The following PGAM4 variants were observed in gnomAD, a reference collection of about 807,000 sequenced individuals.
PGAM4 encodes the protein phosphoglycerate mutase family member 4, also known as phosphoglycerate mutase 4.
In PGAM4, 7 loss-of-function variants were observed where a neutral mutation model predicts 10.8. The observed-to-expected ratio is 0.65, with a 90% CI of 0.37 to 1.21. The LOEUF (loss-of-function observed/expected upper bound fraction) is 1.21. Ranked by LOEUF, PGAM4 falls within the 50% of genes most tolerant of loss-of-function variation. PGAM4 has a pLI of 0.02. For missense variants in PGAM4, 146 were observed against 214.1 expected (o/e 0.68, Z 1.98); for synonymous variants, 55 against 90.3 (o/e 0.61, Z 2.22).
chrX:77,968,812 G>A lies in PGAM4; in HGVS notation c.*62C>T. ...TCAGTGTGACATGTGCAGGTGGGAGGGGCAGAGGGACAAGACCAGCAGGGA... is the reference window on the plus strand; with the variant it reads ...TCAGTGTGACATGTGCAGGTGGGAGAGGCAGAGGGACAAGACCAGCAGGGA... On this transcript the variant is annotated 3_prime_UTR_variant, in exon 1 of 1. Coordinates refer to ENST00000458128, the MANE Select transcript of PGAM4 (RefSeq NM_001029891.3). 8.4e-7 allele frequency: 1 copy of A among 1,197,016 alleles called. No individual in the cohort carries two copies. The highest frequency in any genetic ancestry group is 1.1e-6 in the Non-Finnish European group (1 of 885,164).
chrX:77,969,317 C>T lies in PGAM4; in HGVS notation c.322G>A (p.Gly108Ser). The T allele has an allele frequency of 1.7e-6, 2 of 1,211,753 alleles. No individual in the cohort carries two copies. The highest frequency in any genetic ancestry group is 1.1e-6 in the Non-Finnish European group (1 of 895,489). ...CTCCAGATCTTCACCTGGGCCTCACCATGCTTTGCAGCAGTTTCTGCTTTA... is the reference window on the plus strand; with the variant it reads ...CTCCAGATCTTCACCTGGGCCTCACTATGCTTTGCAGCAGTTTCTGCTTTA... ...LNKAETAAKH[G>S]EAQVKIWRRS... The change falls in exon 1 of 1, where the codon GGT (glycine) becomes AGT (serine). Residue 108 changes from glycine (G) to serine (S), a missense_variant. Coordinates refer to ENST00000458128, the MANE Select transcript of PGAM4 (RefSeq NM_001029891.3).
chrX:77,969,264 C>T lies in PGAM4; in HGVS notation c.375G>A (p.Pro125=). Residue 125 remains proline, a synonymous_variant, in exon 1 of 1, where the codon CCG becomes CCA. Transcript: ENST00000458128. The part of the protein sequence containing the change: ...WRRSYDVPPP[P]MEPDHPFYSN... ...TGTAGAAAGGATGGTCGGGCTCCATCGGAGGTGGTGGGACATCATAGGAGC... is the reference window on the plus strand; with the variant it reads ...TGTAGAAAGGATGGTCGGGCTCCATTGGAGGTGGTGGGACATCATAGGAGC... 20 of 1,211,925 alleles carry T rather than the reference C, an allele frequency of 1.7e-5. No homozygotes were observed. The highest frequency in any genetic ancestry group is 2.1e-5 in the Non-Finnish European group (19 of 895,525).
Position 77,968,909 on chromosome X carries a change from C to A in PGAM4, c.730G>T (p.Glu244Ter), listed in dbSNP as rs1244662202. ...GCCTTGCCCTGGGCAGCCACAGCTT[C>A]TATGGCTTTGCACACCGTCTCTTCA... ...GDEETVCKAI[E>*]AVAAQGKAKK The change falls in exon 1 of 1, where the codon GAA becomes TAA. Residue 244 changes from glutamate (E) to a stop codon, truncating the protein, a stop_gained. Coordinates refer to ENST00000458128, the MANE Select transcript of PGAM4 (RefSeq NM_001029891.3). LOFTEE classifies it high-confidence loss of function. 5.0e-6 allele frequency: 6 copies of A among 1,208,948 alleles called. No individual in the cohort carries two copies. Among genetic ancestry groups the A allele is most frequent in the Non-Finnish European group, 6.7e-6 (6 of 895,348 alleles).
chrX:77,968,340 C>T lies in PGAM4; in HGVS notation c.*534G>A, dbSNP rs1304933235. ...TAATAAAAGTAAATATAACACATAA[C>T]GAAATTCAGGATTGATCCCAACCTA... is the stretch of plus-strand genomic sequence containing the variant. On this transcript the variant is annotated 3_prime_UTR_variant, in exon 1 of 1. Transcript: ENST00000458128. Among the ~76,000 whole-genome samples the T allele has an allele frequency of 2.7e-5, 3 of 111,937 alleles. No homozygotes were observed. The highest frequency in any genetic ancestry group is 3.8e-5 in the Non-Finnish European group (2 of 53,175).
rs1335719937 is a variant in PGAM4, at chrX:77,968,156, C to A, written c.*718G>T. 3.6e-5 allele frequency among the ~76,000 whole-genome samples: 4 copies of A among 110,011 alleles called. No homozygotes were observed. Among genetic ancestry groups the A allele is most frequent in the African/African-American group, 6.6e-5 (2 of 30,204 alleles). On this transcript the variant is annotated 3_prime_UTR_variant, in exon 1 of 1. Transcript: ENST00000458128. ...GCAGGAAGGGATTCTAATACACACA[C>A]CAGGAAGCACTCCTGCCCCTCAGAG... is the stretch of plus-strand genomic sequence containing the variant.
chrX:77,968,925 C>G lies in PGAM4; in HGVS notation c.714G>C (p.Thr238=), dbSNP rs782413188. The G allele has an allele frequency of 8.3e-7, 1 of 1,210,435 alleles. No individual in the cohort carries two copies. The highest frequency in any genetic ancestry group is 1.1e-6 in the Non-Finnish European group (1 of 895,542). ...KPMQFLGDEE[T]VCKAIEAVAA... ...CCACAGCTTCTATGGCTTTGCACAC[C>G]GTCTCTTCATCCCCCAGAAACTGCA... Residue 238 remains threonine, a synonymous_variant, in exon 1 of 1, where the codon ACG becomes ACC. Coordinates refer to ENST00000458128, the MANE Select transcript of PGAM4 (RefSeq NM_001029891.3).
Position 77,968,805 on chromosome X carries a change from G to A in PGAM4, c.*69C>T. 2 of 1,188,682 alleles carry A rather than the reference G, an allele frequency of 1.7e-6. No individual in the cohort carries two copies. Among genetic ancestry groups the A allele is most frequent in the African/African-American group, 1.7e-5 (1 of 57,420 alleles). On this transcript the variant is annotated 3_prime_UTR_variant, in exon 1 of 1. Transcript: ENST00000458128. Reference sequence around the variant, plus strand: ...GATGTGGTCAGTGTGACATGTGCAGGTGGGAGGGGCAGAGGGACAAGACCA... The same window carrying A: ...GATGTGGTCAGTGTGACATGTGCAGATGGGAGGGGCAGAGGGACAAGACCA...
rs1557229184 is a variant in PGAM4, at chrX:77,969,061, A to G, written c.578T>C (p.Ile193Thr). 2.5e-6 allele frequency: 3 copies of G among 1,211,909 alleles called. No individual in the cohort carries two copies. The highest frequency in any genetic ancestry group is 1.7e-5 in the African/African-American group (1 of 57,873). The change falls in exon 1 of 1, where the codon ATT becomes ACT. Residue 193 changes from isoleucine (I) to threonine (T), a missense_variant. Transcript: ENST00000458128. ...AGAGAGACCCTCCACATGCTTGGCAATGCCCTGGAGGCTGTTGCCATGGGC... is the reference window on the plus strand; with the variant it reads ...AGAGAGACCCTCCACATGCTTGGCAGTGCCCTGGAGGCTGTTGCCATGGGC... ...IAAHGNSLQGIAKHVEGLSEE... is the reference protein window; with the variant it reads ...IAAHGNSLQGTAKHVEGLSEE...
chrX:77,968,928 C>G lies in PGAM4; in HGVS notation c.711G>C (p.Glu237Asp), dbSNP rs782660341. The change falls in exon 1 of 1, where the codon GAG becomes GAC. Residue 237 changes from glutamate to aspartate, a missense_variant. By Grantham distance (45) the Glu-to-Asp change is conservative. Transcript: ENST00000458128. ...IKPMQFLGDE[E>D]TVCKAIEAVA... ...CAGCTTCTATGGCTTTGCACACCGTCTCTTCATCCCCCAGAAACTGCATGG... is the reference window on the plus strand; with the variant it reads ...CAGCTTCTATGGCTTTGCACACCGTGTCTTCATCCCCCAGAAACTGCATGG... The G allele has an allele frequency of 2.5e-5, 30 of 1,208,926 alleles. No homozygotes were observed. The highest frequency in any genetic ancestry group is 2.4e-4 in the Admixed American group (11 of 45,804).
rs1358611998 is a variant in PGAM4 at position 77,968,242 on chromosome X, G to T, written c.*632C>A. On this transcript the variant is annotated 3_prime_UTR_variant, in exon 1 of 1. Transcript: ENST00000458128. Reference sequence around the variant, plus strand: ...GCTTATTTTCTGATGACCACATGTGGGACTATTTCAACCGCCACAAGAAAC... The same window carrying T: ...GCTTATTTTCTGATGACCACATGTGTGACTATTTCAACCGCCACAAGAAAC... 9.0e-6 allele frequency among the ~76,000 whole-genome samples: 1 copy of T among 111,126 alleles called. No homozygotes were observed. Among genetic ancestry groups the T allele is most frequent in the African/African-American group, 3.3e-5 (1 of 30,552 alleles).
In PGAM4 at chrX:77,969,255, G is replaced by A. The variant is rs1366421171; in HGVS notation, c.384C>T (p.Pro128=). 5.8e-6 allele frequency: 7 copies of A among 1,210,205 alleles called. No homozygotes were observed. Among genetic ancestry groups the A allele is most frequent in the Non-Finnish European group, 7.8e-6 (7 of 895,216 alleles). ...SYDVPPPPME[P]DHPFYSNISK... is the part of the protein sequence containing the mutation. ...TGATGTTGCTGTAGAAAGGATGGTC[G>A]GGCTCCATCGGAGGTGGTGGGACAT... Residue 128 remains proline (P), a synonymous_variant, in exon 1 of 1, where the codon CCC becomes CCT. Transcript: ENST00000458128.
At position 77,969,576 on chromosome X, in the gene PGAM4, G is replaced by A. The variant is rs782307545; in HGVS notation, c.63C>T (p.Arg21=). 5 of 1,212,213 alleles carry A rather than the reference G, an allele frequency of 4.1e-6. No individual in the cohort carries two copies. Among genetic ancestry groups the A allele is most frequent in the Non-Finnish European group, 5.6e-6 (5 of 895,663 alleles). ...HGESTWNLEN[R]FSCWYDADLS... is the part of the protein sequence containing the mutation. ...GATCGGCGTCGTACCAGCAGCTGAA[G>A]CGGTTCTCCAGGTTCCATGTGCTCT... Residue 21 remains arginine (R), a synonymous_variant, in exon 1 of 1, where the codon CGC becomes CGT. Coordinates refer to ENST00000458128, the MANE Select transcript of PGAM4 (RefSeq NM_001029891.3).
At position 77,968,720 on chromosome X, in the gene PGAM4, G is replaced by T. The variant is rs1264780416; in HGVS notation, c.*154C>A. ...GGGAGTGGGTGCAGGCGACAAAATGGCTAAAATGAAAATGGGAGCCACTGG... is the reference window on the plus strand; with the variant it reads ...GGGAGTGGGTGCAGGCGACAAAATGTCTAAAATGAAAATGGGAGCCACTGG... On this transcript the variant is annotated 3_prime_UTR_variant, in exon 1 of 1. Transcript: ENST00000458128. Among the ~76,000 whole-genome samples, 5 of 112,058 alleles carry T rather than the reference G, an allele frequency of 4.5e-5. No homozygotes were observed. The highest frequency in any genetic ancestry group is 9.4e-5 in the Non-Finnish European group (5 of 53,145).
In PGAM4 at chrX:77,969,612, G is replaced by T; in HGVS notation, c.27C>A (p.Ile9=). 1.1e-5 allele frequency: 13 copies of T among 1,211,989 alleles called. No individual in the cohort carries two copies. Among genetic ancestry groups the T allele is most frequent in the Non-Finnish European group, 1.5e-5 (13 of 895,612 alleles). Residue 9 remains isoleucine (I), a synonymous_variant, in exon 1 of 1, where the codon ATC becomes ATA. Transcript: ENST00000458128. MAAYKLVL[I]RHGESTWNLE... ...GGTTCCATGTGCTCTCGCCGTGCCG[G>T]ATCAGCACCAGTTTGTAGGCGGCCA...
In PGAM4 at chrX:77,969,523, T is replaced by G; in HGVS notation, c.116A>C (p.Lys39Thr). 8.3e-7 allele frequency: 1 copy of G among 1,211,192 alleles called. No individual in the cohort carries two copies. The highest frequency in any genetic ancestry group is 1.1e-6 in the Non-Finnish European group (1 of 895,492). The change falls in exon 1 of 1, where the codon AAG (lysine) becomes ACG (threonine). Residue 39 changes from lysine to threonine, a missense_variant. Transcript: ENST00000458128. ...DLSPAGHEEAKRGGQALRDAG... is the reference protein window; with the variant it reads ...DLSPAGHEEATRGGQALRDAG... ...ATCTCGTAGCGCCTGCCCGCCGCGC[T>G]TCGCCTCCTCGTGGCCCGCCGGGCT...
rs1355900700 is a variant in PGAM4 at position 77,969,328 on chromosome X, G to T, written c.311C>A (p.Ala104Asp). Reference protein sequence around the residue: ...GLTGLNKAETAAKHGEAQVKI... With the variant: ...GLTGLNKAETDAKHGEAQVKI... The stretch of plus-strand genomic sequence containing the variant: ...CACCTGGGCCTCACCATGCTTTGCA[G>T]CAGTTTCTGCTTTATTGAGACCGGT... Residue 104 changes from alanine (A) to aspartate (D), a missense_variant, in exon 1 of 1, where the codon GCT (alanine) becomes GAT (aspartate). Ala to Asp is a moderately radical substitution (Grantham distance 126, BLOSUM62 -2). Transcript: ENST00000458128. The T allele has an allele frequency of 8.3e-7, 1 of 1,209,806 alleles. No individual in the cohort carries two copies. Among genetic ancestry groups the T allele is most frequent in the Non-Finnish European group, 1.1e-6 (1 of 895,117 alleles).
chrX:77,969,298 A>T lies in PGAM4; in HGVS notation c.341T>A (p.Ile114Asn), dbSNP rs782349618. ...AAKHGEAQVKIWRRSYDVPPP... is the reference protein window; with the variant it reads ...AAKHGEAQVKNWRRSYDVPPP... ...TGGGACATCATAGGAGCGCCTCCAG[A>T]TCTTCACCTGGGCCTCACCATGCTT... Residue 114 changes from isoleucine (I) to asparagine (N), a missense_variant, in exon 1 of 1, where the codon ATC (isoleucine) becomes AAC (asparagine). Ile to Asn is a moderately radical substitution (Grantham distance 149, BLOSUM62 -3). Transcript: ENST00000458128. The T allele has an allele frequency of 3.4e-5, 41 of 1,209,868 alleles. No homozygotes were observed. In the East Asian group the frequency reaches 1.2e-3, roughly 36 times the overall value.
Position 77,968,498 on chromosome X carries a change from C to T in PGAM4, c.*376G>A, listed in dbSNP as rs1213753184. Among the ~76,000 whole-genome samples, 8 of 111,664 alleles carry T rather than the reference C, an allele frequency of 7.2e-5. No individual in the cohort carries two copies. Among genetic ancestry groups the T allele is most frequent in the Non-Finnish European group, 1.1e-4 (6 of 53,157 alleles). ...AGAAGAGCAGAGGACAGACTCTGCT[C>T]ATGGGGACAGACAGGCTCTGTTGCT... On this transcript the variant is annotated 3_prime_UTR_variant, in exon 1 of 1. Transcript: ENST00000458128.
In PGAM4 at chrX:77,967,955, T is replaced by C. The variant is rs1223343882; in HGVS notation, c.*919A>G. On this transcript the variant is annotated 3_prime_UTR_variant, in exon 1 of 1. Transcript: ENST00000458128. ...TAAAATGATGTTGTAATACTTTTTT[T>C]TTTTAATTGCACATCACTCCTTTAT... Among the ~76,000 whole-genome samples, 1 of 111,727 alleles carries C rather than the reference T, an allele frequency of 9.0e-6. No individual in the cohort carries two copies. The highest frequency in any genetic ancestry group is 1.9e-5 in the Non-Finnish European group (1 of 53,173).
Sources: allele counts gnomAD v4.1 joint callset (sites outside exome capture counted in the v4.1 genomes callset), GRCh38; gene constraint gnomAD v4.1.1; transcripts MANE v1.5; gene names NCBI Gene and HGNC (gene_info 2026-07-23, HGNC 2026-07-21).